Variants in MYOM1 observed in about 807,000 individuals in gnomAD.
MYOM1 encodes the protein myomesin 1.
Under a neutral mutation model 205.3 loss-of-function variants are expected in MYOM1, and 164 were observed. That is an observed-to-expected ratio of 0.80 (90% CI 0.70 to 0.91). The LOEUF is 0.91. Ranked by LOEUF, MYOM1 falls within the 40% of genes least tolerant of loss-of-function variation. MYOM1 has a pLI of 0.00. For synonymous variants in MYOM1, 772 were observed against 789.4 expected (o/e 0.98, Z 0.37); for missense variants, 2,011 against 2,127.3 (o/e 0.95, Z 1.08).
intron 5 of MYOM1, among the ~76,000 whole-genome samples, chr18:3,181,914 AG>A (rs913498018): frequency 1.3e-5 from 2 of 151,924 alleles, no homozygotes; most frequent in Non-Finnish European, 2.9e-5. Context: ...TTGTACTTTT[AG>A]TACAGATGGA....
At chr18:3,140,360 T>C (rs1340451681) in intron 14 of MYOM1, among the ~76,000 whole-genome samples, 1 of 151,850 alleles carries the variant, frequency 6.6e-6, no homozygotes, top group Non-Finnish European at 1.5e-5. Flanking sequence ...TGAGCTGAGA[T>C]TGTGCCATTG....
At chr18:3,227,465 G>C in the MYOM1 span, among the ~76,000 whole-genome samples, 4 of 152,242 alleles carry the variant, frequency 2.6e-5, no homozygotes, top group Non-Finnish European at 4.4e-5. Context: ...CTGGGGAAAG[G>C]GGGTAATGAG....
At chr18:3,090,456 G>A (rs1026016513) in intron 27 of MYOM1, among the ~76,000 whole-genome samples, 3 of 152,026 alleles carry the variant, frequency 2.0e-5, no homozygotes, top group Non-Finnish European at 4.4e-5. Flanking sequence ...TTGACCTTAG[G>A]TGATCCACCC....
intron 36 of MYOM1, among the ~76,000 whole-genome samples, chr18:3,072,394 C>G (rs2078970154): frequency 8.0e-6 from 1 of 125,014 alleles, no homozygotes; most frequent in Non-Finnish European, 1.6e-5. Context: ...CGCTCTGTCA[C>G]CCAGGGTGGA....
chr18:3,199,769 G>A (rs183916208), intron 2 of MYOM1, among the ~76,000 whole-genome samples: 1,621 of 152,256 alleles, frequency 0.011, 26 homozygotes, highest in African/African-American at 0.036. Flanking sequence ...GAACCCGGGA[G>A]GTGGAGGTTG....
At chr18:3,153,795 C>A (rs925928136) in intron 11 of MYOM1, among the ~76,000 whole-genome samples, 6 of 152,160 alleles carry the variant, frequency 3.9e-5, no homozygotes, top group African/African-American at 1.4e-4. Flanking sequence ...ACAGATTATC[C>A]ATCTCTAGTG....
In MYOM1 at chr18:3,083,898, AAAG is replaced by A. The variant is rs1598654297; in HGVS notation, c.4379-7_4379-5del. 2 of 1,576,884 alleles carry A rather than the reference AAAG, an allele frequency of 1.3e-6. No homozygotes were observed. Among genetic ancestry groups the A allele is most frequent in the East Asian group, 4.6e-5 (2 of 43,634 alleles). On this transcript the variant is annotated splice_polypyrimidine_tract_variant and splice_region_variant and intron_variant, in intron 32 of 37. Transcript: ENST00000356443. ...TTCAGGTCTGTAGCAGACAAAGCTG[AAAG>A]AAGAAAATAGCATATTTCATACATC...
rs148694314 is a variant in MYOM1 at position 3,087,460 on chromosome 18, G to C, written c.4138-1309C>G. On this transcript the variant is annotated intron_variant, in intron 29 of 37. Transcript: ENST00000356443. ...ACTCCTGAGGGAGAGGAAGGTCCCA[G>C]TGTGCAAGCTAGGGTTCCTCCTACG... Among the ~76,000 whole-genome samples, 486 of 150,880 alleles carry C rather than the reference G, an allele frequency of 3.2e-3. 4 individuals carry two copies. The highest frequency in any genetic ancestry group is 0.011 in the African/African-American group (463 of 41,120).
rs190407769 is a variant in MYOM1, at chr18:3,197,689, T to A, written c.291-3731A>T. ...GAGATCGAGACCATCCTAGCTAACA[T>A]GGTGAAACCCCGTCTTTACTAAAAA... On this transcript the variant is annotated intron_variant, in intron 2 of 37. Coordinates refer to ENST00000356443, the MANE Select transcript of MYOM1 (RefSeq NM_003803.4). 1.1e-3 allele frequency among the ~76,000 whole-genome samples: 162 copies of A among 151,728 alleles called. 1 individual carries two copies. The highest frequency in any genetic ancestry group is 8.9e-3 in the East Asian group (45 of 5,076).
chr18:3,175,995 C>T (rs1241728398), intron 6 of MYOM1, 47 bp downstream of exon 6: 4 of 1,215,186 alleles, frequency 3.3e-6, no homozygotes, highest in Non-Finnish European at 4.9e-6. Flanking sequence ...GGTGAGAAGC[C>T]TCCCTGAGCA....
chr18:3,102,411 G>C, intron 23 of MYOM1, 63 bp downstream of exon 23: 1 of 1,457,820 alleles, frequency 6.9e-7, no homozygotes, highest in South Asian at 1.4e-5. Flanking sequence ...GTGGAAATCA[G>C]AGCTCACCTC....
intron 3 of MYOM1, among the ~76,000 whole-genome samples, chr18:3,192,053 G>A (rs2080918193): frequency 6.6e-6 from 1 of 152,118 alleles, no homozygotes; most frequent in Non-Finnish European, 1.5e-5. Context: ...GATTGGCCCG[G>A]AAGAGAAAAA....
chr18:3,165,906 C>A (rs989402532), intron 9 of MYOM1, among the ~76,000 whole-genome samples: 1 of 152,204 alleles, frequency 6.6e-6, no homozygotes, highest in Non-Finnish European at 1.5e-5. Flanking sequence ...CCTTGGAATG[C>A]CATGGTGCCA....
rs543998585 is a variant in MYOM1 at position 3,070,255 on chromosome 18, C to A, written c.4764+1579G>T. 5.3e-5 allele frequency among the ~76,000 whole-genome samples: 8 copies of A among 152,252 alleles called. No individual in the cohort carries two copies. In the East Asian group the frequency reaches 1.2e-3, roughly 22 times the overall value. On this transcript the variant is annotated intron_variant, in intron 37 of 37. Coordinates refer to ENST00000356443, the MANE Select transcript of MYOM1 (RefSeq NM_003803.4). ...CTTTGACCTCCTGGGCTCAGGCGAT[C>A]CTCCCATCTCAGCCTCCAGAGTAGC...
intron 22 of MYOM1, 52 bp downstream of exon 22, chr18:3,112,246 T>C: frequency 6.7e-7 from 1 of 1,486,484 alleles, no homozygotes; most frequent in Non-Finnish European, 9.3e-7. Context: ...CGAACCTTAG[T>C]TCAGTATCTT....
At chr18:3,169,058 GAAAGCAGTCACAGC>G in intron 8 of MYOM1, 77 bp from the exon 9 acceptor site, 1 of 1,218,864 alleles carries the variant, frequency 8.2e-7, no homozygotes, top group Non-Finnish European at 1.1e-6. Flanking sequence ...AGCACAGGCA[GAAAGCAGTCACAGC>G]AAAAAAAAAA....
intron 6 of MYOM1, among the ~76,000 whole-genome samples, chr18:3,175,143 C>T (rs1224228139): frequency 6.6e-6 from 1 of 152,154 alleles, no homozygotes; most frequent in Non-Finnish European, 1.5e-5. Context: ...AAAGTAACCA[C>T]ATAGCTCACT....
intron 1 of MYOM1, among the ~76,000 whole-genome samples, chr18:3,216,151 C>G (rs2081264085): frequency 6.6e-6 from 1 of 152,144 alleles, no homozygotes; most frequent in Non-Finnish European, 1.5e-5. Context: ...ACCTGTAGTC[C>G]CAGCTACTCC....
chr18:3,238,161 G>T, the MYOM1 span, among the ~76,000 whole-genome samples: 1 of 152,154 alleles, frequency 6.6e-6, no homozygotes, highest in African/African-American at 2.4e-5. Flanking sequence ...CCATCTCAGG[G>T]GTGATGGGAG....
Sources: allele counts gnomAD v4.1 joint callset (sites outside exome capture counted in the v4.1 genomes callset), GRCh38; gene constraint gnomAD v4.1.1; transcripts MANE v1.5; gene names NCBI Gene and HGNC (gene_info 2026-07-23, HGNC 2026-07-21).